Variants in GPAT2 observed in about 807,000 individuals in gnomAD.
The protein encoded by GPAT2 is 1-acylglycerol-3-phosphate O-acyltransferase GPAT2.
In GPAT2, 51 loss-of-function variants were observed where a neutral mutation model predicts 71.0. The observed-to-expected ratio is 0.72, with a 90% CI of 0.57 to 0.91. The LOEUF is 0.91. Among genes scored for constraint, GPAT2 ranks in the 40% least tolerant of loss-of-function variants. The pLI is 0.00. For synonymous variants in GPAT2, 222 were observed against 290.3 expected, an observed-to-expected ratio of 0.76 and a Z score of 2.39; for missense variants, 511 against 666.0, an observed-to-expected ratio of 0.77 and a Z score of 2.56.
At chr2:96,024,069 C>T (rs77642907) in intron 16 of GPAT2, 69 bp from the exon 17 acceptor site, 76,965 of 1,590,420 alleles carry the variant, frequency 0.048, 2,843 homozygotes, top group East Asian at 0.18. Flanking sequence ...AGCCAAAGAC[C>T]GGGCAAGGCC....
intron 17 of GPAT2, 68 bp downstream of exon 17, chr2:96,023,855 A>G (rs967482772): frequency 1.9e-6 from 3 of 1,539,638 alleles, no homozygotes; most frequent in Non-Finnish European, 2.6e-6. Context: ...GGCAGCTGGC[A>G]CTCAGGGTGG....
chr2:96,024,648 CAGG>C lies in GPAT2; in HGVS notation c.1463_1465del (p.Ser488del), dbSNP rs745348111. On this transcript the variant is annotated inframe_deletion, in exon 15 of 22. Transcript: ENST00000434632. ...ACGCAACAGTATCTCCTCCGTCAGC[CAGG>C]AGAACTCCCCCAGGAGCTGCGACAG... is the stretch of plus-strand genomic sequence containing the variant. 8.7e-5 allele frequency: 140 copies of C among 1,613,788 alleles called. No individual in the cohort carries two copies. The highest frequency in any genetic ancestry group is 1.2e-4 in the Non-Finnish European group (137 of 1,179,920).
At chr2:96,026,052 A>T in intron 11 of GPAT2, 40 bp from the exon 12 acceptor site, 1 of 1,608,178 alleles carries the variant, frequency 6.2e-7, no homozygotes, top group African/African-American at 1.3e-5. Context: ...GCTCGGGCCC[A>T]CCAGGAAACT....
At chr2:96,024,707 A>G (rs1413600340) in intron 14 of GPAT2, 22 bp from the exon 15 acceptor site, 43 of 1,613,408 alleles carry the variant, frequency 2.7e-5, no homozygotes, top group Non-Finnish European at 3.4e-5. Context: ...GAGCAGGGCT[A>G]GGCAGCAGGG....
chr2:96,026,394 G>A (rs1199411430), intron 10 of GPAT2, 89 bp from the exon 11 acceptor site: 89 of 1,263,422 alleles, frequency 7.0e-5, no homozygotes, highest in Non-Finnish European at 9.1e-5. Flanking sequence ...GTCTCCAGAG[G>A]TATCCTCTGG....
Position 96,022,266 on chromosome 2 carries a change from G to A in GPAT2, c.2299C>T (p.Gln767Ter). The A allele has an allele frequency of 6.3e-7, 1 of 1,596,864 alleles. No homozygotes were observed. Among genetic ancestry groups the A allele is most frequent in the East Asian group, 2.2e-5 (1 of 44,600 alleles). ...WTFRDLGVLQ[Q>*]TPSPAGPRLH... Reference sequence around the variant, plus strand: ...CTGGGGCCTGCAGGGCTCGGCGTCTGCTGCAGAACCTGGGCCATGGAAGAT... The same window carrying A: ...CTGGGGCCTGCAGGGCTCGGCGTCTACTGCAGAACCTGGGCCATGGAAGAT... The change falls in exon 22 of 22, where the codon CAG (glutamine) becomes TAG (stop). Residue 767 changes from glutamine to a stop codon, truncating the protein, a stop_gained. Coordinates refer to ENST00000434632, the MANE Select transcript of GPAT2 (RefSeq NM_001321527.2). LOFTEE classifies it high-confidence loss of function.
chr2:96,026,266 CA>C lies in GPAT2; in HGVS notation c.1071del (p.Val358SerfsTer21), dbSNP rs1434686125. 6.2e-7 allele frequency: 1 copy of C among 1,603,112 alleles called. No homozygotes were observed. The highest frequency in any genetic ancestry group is 8.5e-7 in the Non-Finnish European group (1 of 1,175,960). ...APLGLWTGAL[A>X]VLRSLWSRWG... ...CAGCGGCTCCACAAGCTACGTAGGA[CA>C]GCCAGAGCTCCTGTCCACAGCCCCA... On this transcript the variant is annotated frameshift_variant, in exon 11 of 22. Transcript: ENST00000434632. LOFTEE classifies it high-confidence loss of function.
chr2:96,026,189 G>A lies in GPAT2; in HGVS notation c.1149C>T (p.Ser383=). ...TCCCCAGCTGGCTCCATACCTGCAG[G>A]GAAAAGGGCTGAGCTAGGTGCACCC... The part of the protein sequence containing the change: ...CSRVHLAQPF[S]LQEYIVSARS... Residue 383 remains serine, a synonymous_variant, in exon 11 of 22, where the codon TCC becomes TCT. Transcript: ENST00000434632. 1 of 1,606,744 alleles carries A rather than the reference G, an allele frequency of 6.2e-7. No homozygotes were observed. The highest frequency in any genetic ancestry group is 1.1e-5 in the South Asian group (1 of 90,370).
rs1573856158 is a variant in GPAT2, at chr2:96,024,687, T to G, written c.1429-2A>C. 1 of 1,613,666 alleles carries G rather than the reference T, an allele frequency of 6.2e-7. No homozygotes were observed. The highest frequency in any genetic ancestry group is 2.2e-5 in the East Asian group (1 of 44,866). Reference sequence around the variant, plus strand: ...CAGGAGCTGCGACAGGAACACACCCTGGGTGGGCAGAGCAGGGCTAGGCAG... The same window carrying G: ...CAGGAGCTGCGACAGGAACACACCCGGGGTGGGCAGAGCAGGGCTAGGCAG... On this transcript the variant is annotated splice_acceptor_variant, in intron 14 of 21. Transcript: ENST00000434632. LOFTEE classifies it high-confidence loss of function.
intron 10 of GPAT2, 112 bp from the exon 11 acceptor site, chr2:96,026,417 C>G: frequency 3.8e-6 from 4 of 1,061,394 alleles, no homozygotes; most frequent in Non-Finnish European, 5.1e-6. Context: ...CCACCCTGCT[C>G]AGTTTTATCT....
chr2:96,022,977 G>A lies in GPAT2; in HGVS notation c.2214C>T (p.Ala738=), dbSNP rs1189516173. 6.2e-7 allele frequency: 1 copy of A among 1,613,886 alleles called. No individual in the cohort carries two copies. Among genetic ancestry groups the A allele is most frequent in the Non-Finnish European group, 8.5e-7 (1 of 1,179,852 alleles). Residue 738 remains alanine (A), a synonymous_variant, in exon 20 of 22, where the codon GCC becomes GCT. Coordinates refer to ENST00000434632, the MANE Select transcript of GPAT2 (RefSeq NM_001321527.2). ...EQLFQFLQAT[A]QEEGIFECAD... ...ACTCACCGAAGATCCCTTCTTCCTG[G>A]GCGGTGGCCTGCAGGAACTGGAACA...
In GPAT2 at chr2:96,025,942, A is replaced by G; in HGVS notation, c.1226T>C (p.Val409Ala). The G allele has an allele frequency of 6.2e-7, 1 of 1,612,296 alleles. No individual in the cohort carries two copies. The highest frequency in any genetic ancestry group is 8.5e-7 in the Non-Finnish European group (1 of 1,179,736). ...CCTGTGCCCCTACCATTGGCCCAGC[A>G]CGATGGGCTGCAGTAGCTGCTCCAG... is the stretch of plus-strand genomic sequence containing the variant. ...QTLEQLLQPIVLGQCTAVPDT... is the reference protein window; with the variant it reads ...QTLEQLLQPIALGQCTAVPDT... Residue 409 changes from valine to alanine, a missense_variant, in exon 12 of 22, where the codon GTG (valine) becomes GCG (alanine). Val to Ala is a moderately conservative substitution (Grantham distance 64). Around this residue, in one of 7 missense-constraint regions of GPAT2, gnomAD observed 79 missense variants for 111.4 expected, o/e 0.71. Transcript: ENST00000434632.
intron 13 of GPAT2, chr2:96,025,180 T>A: frequency 1.8e-6 from 1 of 560,070 alleles, no homozygotes. Flanking sequence ...TAACACCATC[T>A]CCACCCAAAG....
At chr2:96,025,899 C>A (rs375028880) in intron 12 of GPAT2, 31 bp downstream of exon 12, 132 of 1,602,902 alleles carry the variant, frequency 8.2e-5, no homozygotes, top group Non-Finnish European at 1.0e-4. Context: ...CTTGCCTTGC[C>A]CCCTGAGACC....
intron 21 of GPAT2, 94 bp from the exon 22 acceptor site, chr2:96,022,369 G>T: frequency 1.4e-6 from 2 of 1,390,876 alleles, no homozygotes; most frequent in Non-Finnish European, 9.6e-7. Flanking sequence ...AACCTGCCTT[G>T]AGACCTCTGG....
chr2:96,026,274 G>A lies in GPAT2; in HGVS notation c.1064C>T (p.Ala355Val). The A allele has an allele frequency of 6.3e-7, 1 of 1,592,916 alleles. No homozygotes were observed. Among genetic ancestry groups the A allele is most frequent in the Non-Finnish European group, 8.5e-7 (1 of 1,171,744 alleles). Residue 355 changes from alanine (A) to valine (V), a missense_variant, in exon 11 of 22, where the codon GCT becomes GTT. Ala to Val is a moderately conservative substitution (Grantham distance 64). Coordinates refer to ENST00000434632, the MANE Select transcript of GPAT2 (RefSeq NM_001321527.2). ...ASAPLGLWTG[A>V]LAVLRSLWSR... ...CCACAAGCTACGTAGGACAGCCAGA[G>A]CTCCTGTCCACAGCCCCAGGGGGGC...
At position 96,023,054 on chromosome 2, in the gene GPAT2, C is replaced by T. The variant is rs779450679; in HGVS notation, c.2168-31G>A. On this transcript the variant is annotated intron_variant, in intron 19 of 21. Coordinates refer to ENST00000434632, the MANE Select transcript of GPAT2 (RefSeq NM_001321527.2). ...GAAGAGAGAAGACCTAGACCTGGCA[C>T]CCAGCACAGACACAGCCTGCCTCGA... 5 of 1,614,020 alleles carry T rather than the reference C, an allele frequency of 3.1e-6. No homozygotes were observed. In the Admixed American group the frequency reaches 8.3e-5, roughly 27 times the overall value.
rs1171914900 is a variant in GPAT2 at position 96,022,192 on chromosome 2, T to C, written c.2373A>G (p.Leu791=). The stretch of plus-strand genomic sequence containing the variant: ...AAATGAACTGCCGGATGAACTGTTC[T>C]AGTTTTTCCTGATTGTCCAGGCTGG... ...TFASLDNQEK[L]EQFIRQFICS The change falls in exon 22 of 22, where the codon CTA becomes CTG. Residue 791 remains leucine, a synonymous_variant. Coordinates refer to ENST00000434632, the MANE Select transcript of GPAT2 (RefSeq NM_001321527.2). 1 of 1,611,134 alleles carries C rather than the reference T, an allele frequency of 6.2e-7. No individual in the cohort carries two copies. The highest frequency in any genetic ancestry group is 1.7e-5 in the Admixed American group (1 of 59,896).
intron 17 of GPAT2, 146 bp from the exon 18 acceptor site, chr2:96,023,586 G>C (rs2969473): frequency 0.27 from 218,751 of 824,790 alleles, 27,647 homozygotes; most frequent in Non-Finnish European, 0.3. Flanking sequence ...CACCTGCTGG[G>C]CCAACTTGCA....
Sources: gnomAD v4.1 joint callset for allele counts on GRCh38, gnomAD v4.1.1 for gene constraint, gnomAD v4.1.1 regional missense constraint, MANE v1.5 for transcripts, NCBI Gene and HGNC (gene_info 2026-07-23, HGNC 2026-07-21) for gene names.